Variants in ZBTB4 observed in about 807,000 individuals in gnomAD.
The protein encoded by ZBTB4 is zinc finger and BTB domain-containing protein 4.
In ZBTB4, 14 loss-of-function variants were observed where a neutral mutation model predicts 59.8. That is an observed-to-expected ratio of 0.23 (90% CI 0.15 to 0.37). The LOEUF (loss-of-function observed/expected upper bound fraction) is 0.37, where lower values mean the gene tolerates loss of function less well. Ranked by LOEUF, ZBTB4 falls within the 10% of genes least tolerant of loss-of-function variation. The probability of loss-of-function intolerance (pLI) is 1.00; values close to 1 mark genes in which losing one functional copy is unlikely to be tolerated. For missense variants in ZBTB4, 1,198 were observed against 1,380.8 expected (o/e 0.87, Z 2.10); for synonymous variants, 587 against 575.2 (o/e 1.02, Z -0.29).
At chr17:7,483,596 C>T (rs938903935), upstream of ZBTB4, 13 of 161,064 alleles carry the variant, frequency 8.1e-5, no homozygotes, top group Admixed American at 3.0e-4. Flanking sequence ...CATTTTATTC[C>T]TGAAATATTC....
At position 7,459,980 on chromosome 17, in the gene ZBTB4, CTT is replaced by C. The variant is rs2069994800; in HGVS notation, c.*1958_*1959del. The C allele has an allele frequency of 6.6e-6, 1 of 152,514 alleles. No homozygotes were observed. The highest frequency in any genetic ancestry group is 1.5e-5 in the Non-Finnish European group (1 of 68,030). 9.4% of individuals were successfully genotyped at this position (152,514 alleles called of 1,614,324 possible). On this transcript the variant is annotated 3_prime_UTR_variant, in exon 4 of 4. Transcript: ENST00000380599. The stretch of plus-strand genomic sequence containing the variant: ...TGCCTCCAGGCCTTCCTCAGTCTCT[CTT>C]GTGGTTCCGCTGTATAGATAGATAG...
chr17:7,479,040 T>C lies in ZBTB4; in HGVS notation c.-81+416A>G, dbSNP rs150251285. On this transcript the variant is annotated intron_variant, in intron 1 of 3. Transcript: ENST00000380599. ...TCGGCGGCCCACCCCTCCCCCTCTCTGCCTGGCTCCTACGCCATCACCCTC... is the reference window on the plus strand; with the variant it reads ...TCGGCGGCCCACCCCTCCCCCTCTCCGCCTGGCTCCTACGCCATCACCCTC... 3.2e-3 allele frequency among the ~76,000 whole-genome samples: 487 copies of C among 152,092 alleles called. 10 individuals are homozygous for C. In the East Asian group the frequency reaches 0.05, roughly 16 times the overall value.
At chr17:7,472,689 T>C in intron 1 of ZBTB4, among the ~76,000 whole-genome samples, 1 of 144,188 alleles carries the variant, frequency 6.9e-6, no homozygotes, top group African/African-American at 2.6e-5. Context: ...TTGCCCAGGT[T>C]GGAGTGCAGT....
At chr17:7,468,969 G>T (rs2070163565) in intron 1 of ZBTB4, among the ~76,000 whole-genome samples, 1 of 152,142 alleles carries the variant, frequency 6.6e-6, no homozygotes, top group Non-Finnish European at 1.5e-5. Flanking sequence ...GTCAGTTGGT[G>T]AATTTCAGGT....
In ZBTB4 at chr17:7,463,464, C is replaced by G. The variant is rs770119880; in HGVS notation, c.1518G>C (p.Ser506=). ...TCGGGGGAGCAGTGTAAGTGATAAC[C>G]GAGGCAGCTTGGGACCCTCCTGTGC... is the stretch of plus-strand genomic sequence containing the variant. The part of the protein sequence containing the change: ...TASTGGSQAA[S]VITYTAPPRP... Residue 506 remains serine, a synonymous_variant, in exon 4 of 4, where the codon TCG becomes TCC. Transcript: ENST00000380599. 6.5e-7 allele frequency: 1 copy of G among 1,538,200 alleles called. No individual in the cohort carries two copies.
Position 7,465,868 on chromosome 17 carries a change from C to G in ZBTB4, c.934G>C (p.Ala312Pro). Residue 312 changes from alanine (A) to proline (P), a missense_variant, in exon 3 of 4, where the codon GCG (alanine) becomes CCG (proline). By Grantham distance (27) the Ala-to-Pro change is conservative. Around this residue, in one of 9 missense-constraint regions of ZBTB4, gnomAD observed 204 missense variants for 205.5 expected, o/e 0.99. Coordinates refer to ENST00000380599, the MANE Select transcript of ZBTB4 (RefSeq NM_001128833.2). ...GTCACGTAGGAACGCTCGCAGGCCG[C>G]GCACACATACAGCACGTGGCCGCCC... is the stretch of plus-strand genomic sequence containing the variant. Reference protein sequence around the residue: ...VVGGHVLYVCAACERSYVTLS... With the variant: ...VVGGHVLYVCPACERSYVTLS... 8 of 1,614,160 alleles carry G rather than the reference C, an allele frequency of 5.0e-6. No homozygotes were observed. Among genetic ancestry groups the G allele is most frequent in the Non-Finnish European group, 5.9e-6 (7 of 1,180,026 alleles).
upstream of ZBTB4, among the ~76,000 whole-genome samples, chr17:7,483,756 G>A (rs2070377320): frequency 6.6e-6 from 1 of 152,118 alleles, no homozygotes; most frequent in Admixed American, 6.5e-5. Context: ...TCCAGAGCAG[G>A]CCTCCCAGCT....
intron 1 of ZBTB4, among the ~76,000 whole-genome samples, chr17:7,473,514 C>T (rs1291074376): frequency 1.3e-5 from 2 of 152,088 alleles, no homozygotes; most frequent in African/African-American, 2.4e-5. Context: ...CCCGCCTCAG[C>T]CTCCCAAAGT....
chr17:7,462,847 G>A lies in ZBTB4; in HGVS notation c.2135C>T (p.Ala712Val), dbSNP rs151185987. The A allele has an allele frequency of 8.7e-4, 1,396 of 1,604,100 alleles. 20 individuals carry two copies. The South Asian group carries it at 0.014, about 17-fold the overall frequency. The stretch of plus-strand genomic sequence containing the variant: ...GGCACGTCCCGCTGGGCTCTCGGCC[G>A]CTGGGGTTTCCTCCCAGCTCCTCCG... ...LERRSWEETPAAESPAGRART... is the reference protein window; with the variant it reads ...LERRSWEETPVAESPAGRART... The change falls in exon 4 of 4, where the codon GCG becomes GTG. Residue 712 changes from alanine (A) to valine (V), a missense_variant. By Grantham distance (64) the Ala-to-Val change is moderately conservative (BLOSUM62 0). Around this residue, in one of 9 missense-constraint regions of ZBTB4, gnomAD observed 550 missense variants for 541.8 expected, o/e 1.02. Transcript: ENST00000380599. This position sits in a 1 kb window ranked among gnomAD's most constrained non-coding sequence, Gnocchi z 7.5.
rs149074131 is a variant in ZBTB4 at position 7,474,272 on chromosome 17, G to A, written c.-81+5184C>T. ...GCTTTGTCACCCAGGCTGTAGTGCA[G>A]TGGTGTTACCACAGCTCCCTGCAGC... On this transcript the variant is annotated intron_variant, in intron 1 of 3. Coordinates refer to ENST00000380599, the MANE Select transcript of ZBTB4 (RefSeq NM_001128833.2). Among the ~76,000 whole-genome samples, 351 of 139,686 alleles carry A rather than the reference G, an allele frequency of 2.5e-3. 2 individuals carry two copies. The highest frequency in any genetic ancestry group is 9.1e-3 in the African/African-American group (336 of 37,078). 91.6% of individuals were successfully genotyped at this position (139,686 alleles called of 152,430 possible). A position where few individuals can be genotyped will look rare whatever the true frequency, so the allele number is the denominator to read the frequency against.
intron 1 of ZBTB4, among the ~76,000 whole-genome samples, chr17:7,471,501 TC>T (rs2070196634): frequency 6.6e-6 from 1 of 152,156 alleles, no homozygotes; most frequent in Non-Finnish European, 1.5e-5. Flanking sequence ...CTTAGAGAAA[TC>T]AAATACTCTA....
chr17:7,475,770 A>C (rs2070260927), intron 1 of ZBTB4, among the ~76,000 whole-genome samples: 2 of 152,160 alleles, frequency 1.3e-5, no homozygotes, highest in South Asian at 4.1e-4. Flanking sequence ...GAGGAAACCG[A>C]GGCTCAGAGA....
intron 1 of ZBTB4, 129 bp from the exon 2 acceptor site, chr17:7,467,456 C>A (rs1173269651): frequency 6.0e-6 from 1 of 166,926 alleles, no homozygotes; most frequent in Non-Finnish European, 1.2e-5. Context: ...AGAGAGGACA[C>A]CTGGGTGAGC....
Position 7,462,393 on chromosome 17 carries a change from G to A in ZBTB4, c.2589C>T (p.Ser863=), listed in dbSNP as rs1487790810. Residue 863 remains serine, a synonymous_variant, in exon 4 of 4, where the codon AGC becomes AGT. Transcript: ENST00000380599. The surrounding 1 kb of genome is among the most constrained non-coding windows in gnomAD (Gnocchi z 7.5). ...SGGEEPPVVA[S]GGSYVYPPVQ... ...CAGGTGGGTATACATAGCTGCCCCC[G>A]CTTGCCACTACTGGGGGCTCCTCAC... 7 of 1,613,844 alleles carry A rather than the reference G, an allele frequency of 4.3e-6. No individual in the cohort carries two copies. Among genetic ancestry groups the A allele is most frequent in the African/African-American group, 2.7e-5 (2 of 75,024 alleles).
Position 7,463,112 on chromosome 17 carries a change from G to T in ZBTB4, c.1870C>A (p.Arg624Ser). 6.2e-7 allele frequency: 1 copy of T among 1,609,858 alleles called. No individual in the cohort carries two copies. Residue 624 changes from arginine (R) to serine (S), a missense_variant, in exon 4 of 4, where the codon CGT (arginine) becomes AGT (serine). Transcript: ENST00000380599. The part of the protein sequence containing the change: ...VKRRISETDL[R>S]PGELSGEEME... ...TCCTCTCCGCTCAGCTCCCCAGGAC[G>T]CAGGTCAGTCTCTGAGATGCGGCGC...
Position 7,463,346 on chromosome 17 carries a change from C to T in ZBTB4, c.1636G>A (p.Ala546Thr), listed in dbSNP as rs1386496901. 2.5e-6 allele frequency: 4 copies of T among 1,606,906 alleles called. No homozygotes were observed. In the East Asian group the frequency reaches 8.9e-5, roughly 36 times the overall value. Reference protein sequence around the residue: ...PATAVSPATAAGPAMATTTEE... With the variant: ...PATAVSPATATGPAMATTTEE... The stretch of plus-strand genomic sequence containing the variant: ...GTGGTGGTGGCCATGGCTGGCCCTG[C>T]AGCGGTGGCTGGGCTGACTGCTGTG... The change falls in exon 4 of 4, where the codon GCA becomes ACA. Residue 546 changes from alanine to threonine, a missense_variant. This residue lies in a region of ZBTB4 where 550 missense variants were observed against 541.8 expected (regional missense o/e 1.02). Coordinates refer to ENST00000380599, the MANE Select transcript of ZBTB4 (RefSeq NM_001128833.2).
chr17:7,480,858 AAAG>A (rs1457181618), upstream of ZBTB4, among the ~76,000 whole-genome samples: 4 of 151,584 alleles, frequency 2.6e-5, no homozygotes, highest in Non-Finnish European at 5.9e-5. Flanking sequence ...CATAAATAGA[AAAG>A]AAGCAGAGTT....
chr17:7,471,087 T>C (rs1040321910), intron 1 of ZBTB4, among the ~76,000 whole-genome samples: 1 of 152,188 alleles, frequency 6.6e-6, no homozygotes, highest in Non-Finnish European at 1.5e-5. Context: ...ACGAGACCTG[T>C]CAGGGCTTCT....
chr17:7,466,185 C>G lies in ZBTB4; in HGVS notation c.617G>C (p.Gly206Ala). 1 of 1,613,298 alleles carries G rather than the reference C, an allele frequency of 6.2e-7. No homozygotes were observed. Among genetic ancestry groups the G allele is most frequent in the Non-Finnish European group, 8.5e-7 (1 of 1,179,922 alleles). ...CTCCCACTCCCCAGCTGGCCTGGGC[C>G]CGGGCCCAAAGCTGTCCTCTTCAGG... Reference protein sequence around the residue: ...SQPEEDSFGPGPRPAGEWEGD... With the variant: ...SQPEEDSFGPAPRPAGEWEGD... The change falls in exon 3 of 4, where the codon GGG (glycine) becomes GCG (alanine). Residue 206 changes from glycine to alanine, a missense_variant. Physicochemically the swap from Gly to Ala is moderately conservative, Grantham distance 60. Transcript: ENST00000380599. The surrounding 1 kb of genome is among the most constrained non-coding windows in gnomAD (Gnocchi z 9.1).
Sources: allele counts gnomAD v4.1 joint callset (sites outside exome capture counted in the v4.1 genomes callset), GRCh38; gene constraint gnomAD v4.1.1; regional missense constraint gnomAD v4.1.1; non-coding constraint Gnocchi (gnomAD v3.1); transcripts MANE v1.5; gene names NCBI Gene and HGNC (gene_info 2026-07-23, HGNC 2026-07-21).